The following MYO16 variants were observed in gnomAD, a reference collection of about 807,000 sequenced individuals.
MYO16 encodes unconventional myosin-XVI.
Under a neutral mutation model 205.3 loss-of-function variants are expected in MYO16, and 94 were observed. The observed-to-expected ratio is 0.46, with a 90% confidence interval of 0.39 to 0.54. MYO16 has a LOEUF of 0.54. Among genes scored for constraint, MYO16 ranks in the 20% least tolerant of loss-of-function variants. The probability of loss-of-function intolerance (pLI) is 0.00; values close to 1 mark genes in which losing one functional copy is unlikely to be tolerated. For synonymous variants in MYO16, 988 were observed against 954.0 expected, an observed-to-expected ratio of 1.04 and a Z score of -0.66; for missense variants, 2,315 against 2,387.5, an observed-to-expected ratio of 0.97 and a Z score of 0.63.
intron 1 of MYO16, among the ~76,000 whole-genome samples, chr13:108,654,881 G>T (rs775359963): frequency 7.2e-5 from 11 of 152,208 alleles, no homozygotes; most frequent in Non-Finnish European, 1.3e-4. Context: ...CTTTGAACTT[G>T]ATAGAGATGA....
Position 108,724,321 on chromosome 13 carries a change from T to C in MYO16, c.364-3119T>C, listed in dbSNP as rs1215076198. On this transcript the variant is annotated intron_variant, in intron 3 of 34. Transcript: ENST00000457511. ...CTTATTCATTCCTTTTTGCCATGGC[T>C]AGTACTGCCAGTGGAATGTTGAAGG... Among the ~76,000 whole-genome samples, 5 of 152,330 alleles carry C rather than the reference T, an allele frequency of 3.3e-5. No homozygotes were observed. The East Asian group carries it at 9.7e-4, about 29-fold the overall frequency.
chr13:108,931,758 T>G (rs1001364622), intron 16 of MYO16, among the ~76,000 whole-genome samples: 25 of 152,220 alleles, frequency 1.6e-4, no homozygotes, highest in Non-Finnish European at 2.8e-4. Flanking sequence ...GTGGGTGGGC[T>G]TATATTTCTA....
intron 6 of MYO16, among the ~76,000 whole-genome samples, chr13:108,802,261 T>A (rs973143640): frequency 4.6e-5 from 7 of 152,160 alleles, no homozygotes; most frequent in East Asian, 3.9e-4. Flanking sequence ...CCTCCCCGAG[T>A]CCCTGGCAAC....
intron 1 of MYO16, among the ~76,000 whole-genome samples, chr13:108,622,927 T>G (rs80282758): frequency 0.036 from 5,544 of 152,044 alleles, 318 homozygotes; most frequent in African/African-American, 0.12. Flanking sequence ...ACCAAAGAGT[T>G]CAAGGACTCT....
At chr13:108,590,308 T>C in the MYO16 span, among the ~76,000 whole-genome samples, 4 of 152,156 alleles carry the variant, frequency 2.6e-5, no homozygotes, top group Admixed American at 2.6e-4. Flanking sequence ...TTTGGGAAGT[T>C]TTAAAGAGTA....
chr13:108,587,630 G>A, the MYO16 span, among the ~76,000 whole-genome samples: 234 of 152,176 alleles, frequency 1.5e-3, 1 homozygote, highest in African/African-American at 4.9e-3. Flanking sequence ...GATGAAGTTA[G>A]CATCTGCTCA....
Position 109,141,427 on chromosome 13 carries a change from C to A in MYO16, c.5164+51C>A. Reference sequence around the variant, plus strand: ...TCCTTTTGCATGGACGCTGTGCTTGCGTGCACCTGTGTACATCCGTGTCTG... The same window carrying A: ...TCCTTTTGCATGGACGCTGTGCTTGAGTGCACCTGTGTACATCCGTGTCTG... On this transcript the variant is annotated intron_variant, in intron 32 of 34. Coordinates refer to ENST00000457511, the MANE Select transcript of MYO16 (RefSeq NM_001198950.3). This position sits in a 1 kb window ranked among gnomAD's most constrained non-coding sequence, Gnocchi z 4.1. The A allele has an allele frequency of 1.6e-6, 2 of 1,232,660 alleles. No individual in the cohort carries two copies. The highest frequency in any genetic ancestry group is 2.2e-6 in the Non-Finnish European group (2 of 921,674). 76.4% of individuals were successfully genotyped at this position (1,232,660 alleles called of 1,614,324 possible).
At chr13:108,815,147 T>C (rs1875500491) in intron 7 of MYO16, among the ~76,000 whole-genome samples, 1 of 152,176 alleles carries the variant, frequency 6.6e-6, no homozygotes, top group Non-Finnish European at 1.5e-5. Flanking sequence ...GCAGTGACAA[T>C]TGAAAACTTA....
rs544696606 is a variant in MYO16, at chr13:108,597,617, C to A, written c.-39+1378C>A. Among the ~76,000 whole-genome samples the A allele has an allele frequency of 4.6e-5, 7 of 152,260 alleles. No individual in the cohort carries two copies. In the South Asian group the frequency reaches 1.4e-3, roughly 32 times the overall value. ...GTTCTATCAACTATAGACAGTATTT[C>A]TCAACTCATTTTATAAAATGCAATT... On this transcript the variant is annotated intron_variant, in intron 1 of 24. Transcript: ENST00000251041.
intron 27 of MYO16, among the ~76,000 whole-genome samples, chr13:109,097,463 C>T (rs970833578): frequency 1.3e-5 from 2 of 152,168 alleles, no homozygotes; most frequent in East Asian, 3.8e-4. Context: ...TACCCATTTG[C>T]CCTGCTCTGT....
intron 27 of MYO16, among the ~76,000 whole-genome samples, chr13:109,093,396 C>T (rs1011703498): frequency 6.6e-6 from 1 of 152,092 alleles, no homozygotes; most frequent in Admixed American, 6.5e-5. Flanking sequence ...AGGTGTATGG[C>T]AGTAAAGAGA....
intron 1 of MYO16, among the ~76,000 whole-genome samples, chr13:108,608,800 G>A (rs1187496579): frequency 6.6e-6 from 1 of 151,908 alleles, no homozygotes; most frequent in African/African-American, 2.4e-5. Flanking sequence ...GCACCACCAT[G>A]CCCAGCTAAT....
intron 7 of MYO16, among the ~76,000 whole-genome samples, chr13:108,818,054 G>C (rs936082786): frequency 1.3e-5 from 2 of 152,018 alleles, no homozygotes; most frequent in Admixed American, 1.3e-4. Context: ...AGACAAGTTT[G>C]AAAAATAATG....
At chr13:108,551,316 C>T in the MYO16 span, among the ~76,000 whole-genome samples, 5 of 152,190 alleles carry the variant, frequency 3.3e-5, no homozygotes, top group Admixed American at 2.0e-4. Context: ...GTAGCTTGCT[C>T]CCTAAGTCTA....
At chr13:109,114,579 C>T (rs993079685) in intron 28 of MYO16, among the ~76,000 whole-genome samples, 6 of 152,160 alleles carry the variant, frequency 3.9e-5, no homozygotes, top group African/African-American at 1.4e-4. Flanking sequence ...TTTCTTTGCA[C>T]CTCCTTTGTA....
upstream of MYO16, among the ~76,000 whole-genome samples, chr13:108,591,494 T>C (rs1412898045): frequency 6.6e-6 from 1 of 152,228 alleles, no homozygotes; most frequent in Non-Finnish European, 1.5e-5. Context: ...CATCCTTTCA[T>C]TTTGAGTGCC....
chr13:108,904,445 T>A (rs1482227664), intron 15 of MYO16, among the ~76,000 whole-genome samples: 2 of 152,146 alleles, frequency 1.3e-5, no homozygotes, highest in Non-Finnish European at 2.9e-5. Flanking sequence ...TCGAGGTAAT[T>A]TGCTAATACA....
the MYO16 span, among the ~76,000 whole-genome samples, chr13:108,566,770 GAA>G: frequency 6.7e-6 from 1 of 150,294 alleles, no homozygotes; most frequent in Non-Finnish European, 1.5e-5. Flanking sequence ...AGGAAGGAAG[GAA>G]GGAAGGAAGG....
intron 4 of MYO16, among the ~76,000 whole-genome samples, chr13:108,778,774 C>T (rs1319632802): frequency 6.6e-6 from 1 of 152,194 alleles, no homozygotes; most frequent in Admixed American, 6.5e-5. Flanking sequence ...GCAACCTACA[C>T]AATTACATTA....
Sources: gnomAD v4.1 joint callset for allele counts (sites outside exome capture counted in the v4.1 genomes callset) on GRCh38, gnomAD v4.1.1 for gene constraint, Gnocchi (gnomAD v3.1) non-coding constraint, MANE v1.5 for transcripts, NCBI Gene and HGNC (gene_info 2026-07-23, HGNC 2026-07-21) for gene names.